Variants in ABCA13 observed in about 807,000 individuals in gnomAD.
The protein encoded by ABCA13 is ATP binding cassette subfamily A member 13.
A neutral mutation model predicts 478.7 loss-of-function variants in ABCA13; 476 were observed. The observed-to-expected ratio is 0.99, with a 90% confidence interval of 0.92 to 1.07. The LOEUF is 1.07. ABCA13 is among the 50% of genes least tolerant of loss of function. The pLI, the probability that ABCA13 is intolerant of heterozygous loss-of-function variation, is 0.00. For synonymous variants in ABCA13, 2,252 were observed against 2,158.9 expected (o/e 1.04, Z -1.20); for missense variants, 6,060 against 5,910.6 (o/e 1.03, Z -0.83).
intron 56 of ABCA13, among the ~76,000 whole-genome samples, chr7:48,586,858 T>G (rs7789689): frequency 0.72 from 109,821 of 152,004 alleles, 40,731 homozygotes; most frequent in African/African-American, 0.89. Context: ...CTCAACATGC[T>G]TATTTATCTG....
intron 27 of ABCA13, among the ~76,000 whole-genome samples, chr7:48,332,137 A>G (rs1805505873): frequency 6.6e-6 from 1 of 152,150 alleles, no homozygotes; most frequent in South Asian, 2.1e-4. Flanking sequence ...TTCTTTAACC[A>G]TTTACACATT....
intron 21 of ABCA13, among the ~76,000 whole-genome samples, chr7:48,296,773 C>A (rs1222307963): frequency 1.3e-5 from 2 of 152,112 alleles, no homozygotes; most frequent in Admixed American, 6.5e-5. Flanking sequence ...AAATATTTTT[C>A]AAATTACCTT....
At chr7:48,236,692 A>G (rs1790004048) in intron 8 of ABCA13, among the ~76,000 whole-genome samples, 1 of 152,256 alleles carries the variant, frequency 6.6e-6, no homozygotes, top group Non-Finnish European at 1.5e-5. Context: ...CAGGTTACCC[A>G]GGATAATCGC....
intron 59 of ABCA13, among the ~76,000 whole-genome samples, chr7:48,625,994 C>T (rs775445117): frequency 7.9e-5 from 12 of 152,252 alleles, no homozygotes; most frequent in Non-Finnish European, 1.6e-4. Flanking sequence ...GCATAGTGTA[C>T]AGGCAGAAAC....
intron 48 of ABCA13, among the ~76,000 whole-genome samples, chr7:48,496,816 A>G (rs1190328136): frequency 6.6e-6 from 1 of 151,486 alleles, no homozygotes; most frequent in Non-Finnish European, 1.5e-5. Context: ...TCTAGTTGGT[A>G]TTTTCTTCCT....
intron 15 of ABCA13, among the ~76,000 whole-genome samples, chr7:48,268,652 G>A (rs991559211): frequency 3.9e-5 from 6 of 152,042 alleles, no homozygotes; most frequent in Admixed American, 6.5e-5. Context: ...AACTCAGCAC[G>A]TCCACTGGAC....
At chr7:48,266,633 T>G (rs1432442517) in intron 15 of ABCA13, among the ~76,000 whole-genome samples, 1 of 151,864 alleles carries the variant, frequency 6.6e-6, no homozygotes, top group Non-Finnish European at 1.5e-5. Flanking sequence ...TTATTATTGA[T>G]CTTCTCAAAC....
At chr7:48,398,351 A>G (rs2129065970) in intron 38 of ABCA13, among the ~76,000 whole-genome samples, 1 of 152,348 alleles carries the variant, frequency 6.6e-6, no homozygotes, top group African/African-American at 2.4e-5. Flanking sequence ...ATCAGCGCAC[A>G]GAGTGTTACC....
intron 42 of ABCA13, among the ~76,000 whole-genome samples, chr7:48,431,106 T>C (rs1822082716): frequency 1.3e-5 from 2 of 152,178 alleles, no homozygotes; most frequent in Admixed American, 1.3e-4. Context: ...CTTATTTAGG[T>C]TGTGTTGATT....
chr7:48,279,391 T>C lies in ABCA13; in HGVS notation c.8197T>C (p.Ser2733Pro). The change falls in exon 18 of 62, where the codon TCT becomes CCT. Residue 2733 changes from serine (S) to proline (P), a missense_variant. Around this residue, in one of 3 missense-constraint regions of ABCA13, gnomAD observed 4,423 missense variants for 4,309.1 expected, o/e 1.03. Coordinates refer to ENST00000435803, the MANE Select transcript of ABCA13 (RefSeq NM_152701.5). The stretch of plus-strand genomic sequence containing the variant: ...ATCACAAAACAGCACAGAAATAGGA[T>C]CTTTCTTGAAAATGGTGATCTGTCT... ...ILSQNSTEIG[S>P]FLKMVICLTL... 1.3e-6 allele frequency: 2 copies of C among 1,598,318 alleles called. No individual in the cohort carries two copies. Among genetic ancestry groups the C allele is most frequent in the South Asian group, 1.1e-5 (1 of 89,070 alleles).
rs562428214 is a variant in ABCA13 at position 48,512,073 on chromosome 7, TAGAC to T, written c.13640+877_13640+880del. Among the ~76,000 whole-genome samples, 279 of 150,284 alleles carry T rather than the reference TAGAC, an allele frequency of 1.9e-3. 4 individuals carry two copies. The highest frequency in any genetic ancestry group is 6.3e-3 in the African/African-American group (258 of 40,794). On this transcript the variant is annotated intron_variant, in intron 51 of 61. Transcript: ENST00000435803. ...AGTATGTAGATAAGAGAAAGAAAGATAGACAGGGAGAGAGAGATTAACAGAGAGA... is the reference window on the plus strand; with the variant it reads ...AGTATGTAGATAAGAGAAAGAAAGATAGGGAGAGAGAGATTAACAGAGAGA...
chr7:48,622,958 A>T (rs1442399925), intron 59 of ABCA13, among the ~76,000 whole-genome samples: 1 of 152,200 alleles, frequency 6.6e-6, no homozygotes, highest in African/African-American at 2.4e-5. Flanking sequence ...ATGATGCATC[A>T]TCTCATGATT....
At chr7:48,566,039 A>G (rs901421030) in intron 55 of ABCA13, among the ~76,000 whole-genome samples, 6 of 152,212 alleles carry the variant, frequency 3.9e-5, no homozygotes, top group Admixed American at 3.9e-4. Flanking sequence ...TGAATTTAAA[A>G]TACTATCTGG....
chr7:48,436,032 C>T (rs1822785039), intron 42 of ABCA13, among the ~76,000 whole-genome samples: 1 of 150,888 alleles, frequency 6.6e-6, no homozygotes, highest in Admixed American at 6.6e-5. Context: ...CTAGCATTGC[C>T]TCATACAATG....
At chr7:48,287,518 G>GACTT (rs1797932762) in intron 19 of ABCA13, among the ~76,000 whole-genome samples, 1 of 152,150 alleles carries the variant, frequency 6.6e-6, no homozygotes, top group African/African-American at 2.4e-5. Context: ...TCCAGGAAGT[G>GACTT]ACTTGTGAGG....
intron 42 of ABCA13, among the ~76,000 whole-genome samples, chr7:48,441,705 T>C (rs565967251): frequency 1.3e-5 from 2 of 152,284 alleles, no homozygotes; most frequent in East Asian, 3.9e-4. Context: ...ATAGGCACTT[T>C]ACATGATTTG....
intron 27 of ABCA13, among the ~76,000 whole-genome samples, chr7:48,331,933 A>G (rs544125442): frequency 6.6e-6 from 1 of 152,296 alleles, no homozygotes; most frequent in African/African-American, 2.4e-5. Flanking sequence ...GCCAGCCACC[A>G]ATCAGGTCTT....
chr7:48,563,098 C>T (rs1786638725), intron 55 of ABCA13, among the ~76,000 whole-genome samples: 1 of 152,024 alleles, frequency 6.6e-6, no homozygotes, highest in African/African-American at 2.4e-5. Flanking sequence ...AATGCATGGC[C>T]ATGGTATAAA....
At chr7:48,342,229 G>A (rs1807351111) in intron 29 of ABCA13, among the ~76,000 whole-genome samples, 1 of 151,986 alleles carries the variant, frequency 6.6e-6, no homozygotes, top group South Asian at 2.1e-4. Flanking sequence ...CATTTATGGA[G>A]ACTCACTCAA....
Sources: allele counts gnomAD v4.1 joint callset (sites outside exome capture counted in the v4.1 genomes callset), GRCh38; gene constraint gnomAD v4.1.1; regional missense constraint gnomAD v4.1.1; transcripts MANE v1.5; gene names NCBI Gene and HGNC (gene_info 2026-07-23, HGNC 2026-07-21).